SKIC3: variants seen among roughly 807,000 people sequenced by gnomAD.
SKIC3 encodes the protein superkiller complex protein 3.
At chr5:95,538,164 GA>G in the SKIC3 span, among the ~76,000 whole-genome samples, 1 of 151,984 alleles carries the variant, frequency 6.6e-6, no homozygotes, top group African/African-American at 2.4e-5. Flanking sequence ...AGGAGGGTGG[GA>G]TAGACCATCC....
the SKIC3 span, chr5:95,464,480 T>A: frequency 1.4e-6 from 1 of 722,888 alleles, no homozygotes; most frequent in African/African-American, 1.8e-5. Context: ...AAACTTCAAC[T>A]TCTCTAGATT....
At chr5:95,497,465 C>G in the SKIC3 span, 1 of 1,613,470 alleles carries the variant, frequency 6.2e-7, no homozygotes, top group East Asian at 2.2e-5. Context: ...CAACAGAGAC[C>G]AAAGAGCAGG....
chr5:95,490,955 T>C, the SKIC3 span: 2 of 1,614,152 alleles, frequency 1.2e-6, no homozygotes, highest in Admixed American at 1.7e-5. Flanking sequence ...ATCTATCCTC[T>C]TTGGCTGAGT....
the SKIC3 span, chr5:95,512,900 T>C: frequency 2.6e-6 from 1 of 381,060 alleles, no homozygotes; most frequent in Non-Finnish European, 4.8e-6. Context: ...TCAGCACCAT[T>C]GCCAAAGGTC....
chr5:95,496,382 G>A, the SKIC3 span, among the ~76,000 whole-genome samples: 1 of 152,050 alleles, frequency 6.6e-6, no homozygotes, highest in Non-Finnish European at 1.5e-5. Flanking sequence ...AAAAATTAAG[G>A]CCCAGGTTAA....
the SKIC3 span, among the ~76,000 whole-genome samples, chr5:95,519,268 A>T: frequency 6.6e-6 from 1 of 152,008 alleles, no homozygotes; most frequent in Non-Finnish European, 1.5e-5. Flanking sequence ...TCTTCTCGAG[A>T]TCTTATAAAT....
At chr5:95,543,111 T>G in the SKIC3 span, 1 of 1,568,488 alleles carries the variant, frequency 6.4e-7, no homozygotes, top group African/African-American at 1.4e-5. Context: ...TAGTTTAATG[T>G]TGAAACCTGT....
chr5:95,473,054 T>C, the SKIC3 span, among the ~76,000 whole-genome samples: 5 of 152,160 alleles, frequency 3.3e-5, no homozygotes, highest in South Asian at 4.1e-4. Context: ...TTGTGAATAG[T>C]GCGGTGATAA....
At chr5:95,515,405 A>G in the SKIC3 span, among the ~76,000 whole-genome samples, 18 of 152,274 alleles carry the variant, frequency 1.2e-4, 1 homozygote, top group African/African-American at 3.6e-4. Flanking sequence ...AACTTCAAAA[A>G]TATCTAATTT....
At chr5:95,495,724 T>C in the SKIC3 span, among the ~76,000 whole-genome samples, 129 of 152,342 alleles carry the variant, frequency 8.5e-4, no homozygotes, top group East Asian at 0.023. Context: ...CTTGTGCATC[T>C]GCAGCGTCCA....
the SKIC3 span, chr5:95,482,480 G>A: frequency 1.2e-6 from 2 of 1,613,932 alleles, no homozygotes; most frequent in Non-Finnish European, 1.7e-6. Flanking sequence ...TACCTGCCAA[G>A]CTGGAACAGA....
chr5:95,545,528 C>T, the SKIC3 span, among the ~76,000 whole-genome samples: 1 of 152,132 alleles, frequency 6.6e-6, no homozygotes, highest in Non-Finnish European at 1.5e-5. Flanking sequence ...TTCTTTTAAC[C>T]ACACCAAGTT....
the SKIC3 span, chr5:95,513,668 T>G: frequency 1.3e-6 from 2 of 1,599,796 alleles, no homozygotes; most frequent in African/African-American, 2.7e-5. Context: ...AAAAACAGAC[T>G]CTTAATGTGT....
the SKIC3 span, among the ~76,000 whole-genome samples, chr5:95,552,687 A>G: frequency 6.6e-6 from 1 of 151,956 alleles, no homozygotes; most frequent in African/African-American, 2.4e-5. Context: ...AGGAGTGAAA[A>G]ATGGCGGGAG....
the SKIC3 span, chr5:95,513,020 A>G: frequency 9.0e-6 from 2 of 222,420 alleles, no homozygotes; most frequent in South Asian, 6.9e-5. Flanking sequence ...CTCAGTTTCT[A>G]TTCTATTAAT....
the SKIC3 span, among the ~76,000 whole-genome samples, chr5:95,479,345 T>C: frequency 6.6e-6 from 1 of 152,132 alleles, no homozygotes; most frequent in African/African-American, 2.4e-5. Context: ...TATACCACAT[T>C]TGTGGACAGA....
At chr5:95,482,303 T>C in the SKIC3 span, among the ~76,000 whole-genome samples, 1 of 152,318 alleles carries the variant, frequency 6.6e-6, no homozygotes, top group East Asian at 1.9e-4. Flanking sequence ...CCAAAACTAG[T>C]GTTAAACTTC....
chr5:95,507,016 A>G, the SKIC3 span: 30 of 1,592,696 alleles, frequency 1.9e-5, no homozygotes, highest in East Asian at 2.3e-4. Context: ...ATTGCCCTTA[A>G]AAAAAAAAAG....
chr5:95,537,743 T>C, the SKIC3 span, among the ~76,000 whole-genome samples: 14 of 152,250 alleles, frequency 9.2e-5, no homozygotes, highest in Non-Finnish European at 1.9e-4. Flanking sequence ...AGAACAGCAA[T>C]ACTAGAATCC....
Sources: gnomAD v4.1 joint callset for allele counts (sites outside exome capture counted in the v4.1 genomes callset) on GRCh38, gnomAD v4.1.1 for gene constraint, MANE v1.5 for transcripts, NCBI Gene and HGNC (gene_info 2026-07-23, HGNC 2026-07-21) for gene names.